PLXDC1: variants seen among roughly 807,000 people sequenced by gnomAD.
PLXDC1 encodes the protein plexin domain-containing protein 1.
A neutral mutation model predicts 61.3 loss-of-function variants in PLXDC1; 39 were observed. The observed-to-expected ratio is 0.64, with a 90% CI of 0.49 to 0.83. PLXDC1 has a LOEUF of 0.83. Ranked by LOEUF, PLXDC1 falls within the 40% of genes least tolerant of loss-of-function variation. The pLI, the probability that PLXDC1 is intolerant of heterozygous loss-of-function variation, is 0.00. For missense variants in PLXDC1, 596 were observed against 666.5 expected (o/e 0.89, Z 1.17); for synonymous variants, 212 against 254.5 (o/e 0.83, Z 1.59).
intron 7 of PLXDC1, among the ~76,000 whole-genome samples, chr17:39,089,257 C>T (rs1009074947): frequency 9.9e-5 from 15 of 152,218 alleles, no homozygotes; most frequent in African/African-American, 1.9e-4. Context: ...TCTCTGGCCA[C>T]GCTGTGATTG....
At chr17:39,097,574 C>T (rs568807361) in intron 7 of PLXDC1, among the ~76,000 whole-genome samples, 51 of 152,202 alleles carry the variant, frequency 3.4e-4, no homozygotes, top group African/African-American at 1.2e-3. Flanking sequence ...GAACATGTTC[C>T]ACTTGCATTT....
At chr17:39,079,481 G>T (rs939366602) in intron 9 of PLXDC1, 5 of 486,146 alleles carry the variant, frequency 1.0e-5, no homozygotes, top group Admixed American at 6.9e-5. Context: ...ACACTGCTGA[G>T]AATCCAGGCA....
At chr17:39,126,123 G>A (rs1392709109) in intron 2 of PLXDC1, among the ~76,000 whole-genome samples, 8 of 152,064 alleles carry the variant, frequency 5.3e-5, no homozygotes, top group East Asian at 1.9e-4. Flanking sequence ...ATGTGGTGGC[G>A]CATGCCTGTA....
chr17:39,100,148 C>T (rs1910370088), intron 7 of PLXDC1, among the ~76,000 whole-genome samples: 1 of 152,168 alleles, frequency 6.6e-6, no homozygotes, highest in African/African-American at 2.4e-5. Flanking sequence ...ATCCTGAATC[C>T]TGCCAAACCA....
chr17:39,126,371 C>A (rs909921904), intron 2 of PLXDC1, among the ~76,000 whole-genome samples: 1 of 152,114 alleles, frequency 6.6e-6, no homozygotes, highest in South Asian at 2.1e-4. Context: ...AGCAAAGCAA[C>A]GTATAATGAA....
chr17:39,072,464 T>C lies in PLXDC1; in HGVS notation c.1208A>G (p.Tyr403Cys), dbSNP rs1909160134. ...TCTGTACTCACCGTCTCCTCCTGCA[T>C]AGGGATTCAACTTGGTGTCATCTTC... ...TTEDDTKLNP[Y>C]AGGDGLQNNL... Residue 403 changes from tyrosine (Y) to cysteine (C), a missense_variant, in exon 12 of 14, where the codon TAT (tyrosine) becomes TGT (cysteine). Coordinates refer to ENST00000315392, the MANE Select transcript of PLXDC1 (RefSeq NM_020405.5). 5.1e-6 allele frequency: 8 copies of C among 1,554,644 alleles called. No individual in the cohort carries two copies. The highest frequency in any genetic ancestry group is 6.1e-6 in the Non-Finnish European group (7 of 1,145,602).
intron 7 of PLXDC1, among the ~76,000 whole-genome samples, chr17:39,093,215 C>A (rs1172580001): frequency 1.3e-5 from 2 of 152,102 alleles, no homozygotes; most frequent in Non-Finnish European, 2.9e-5. Flanking sequence ...CCTCCCCCAC[C>A]AAAGGCTCAT....
chr17:39,087,079 C>A (rs1269654644), intron 8 of PLXDC1, among the ~76,000 whole-genome samples: 1 of 152,158 alleles, frequency 6.6e-6, no homozygotes, highest in Non-Finnish European at 1.5e-5. Context: ...GTGGGCTCCA[C>A]AACAGCAGGT....
chr17:39,069,920 A>G lies in PLXDC1; in HGVS notation c.1319T>C (p.Ile440Thr). The G allele has an allele frequency of 1.9e-6, 3 of 1,613,722 alleles. No individual in the cohort carries two copies. The highest frequency in any genetic ancestry group is 2.5e-6 in the Non-Finnish European group (3 of 1,179,654). ...ATTGATGTAAATTCCAGCCAGGATG[A>G]TGGCCGCCACGAGGAGGACTGCCAG... is the stretch of plus-strand genomic sequence containing the variant. ...IVLAVLLVAA[I>T]ILAGIYINGH... Residue 440 changes from isoleucine (I) to threonine (T), a missense_variant, in exon 13 of 14, where the codon ATC becomes ACC. Transcript: ENST00000315392.
chr17:39,129,199 TC>T (rs1345627844), intron 2 of PLXDC1, among the ~76,000 whole-genome samples: 2 of 151,170 alleles, frequency 1.3e-5, no homozygotes, highest in African/African-American at 4.9e-5. Context: ...ACACCTGTAA[TC>T]CCAGCTACTC....
intron 7 of PLXDC1, among the ~76,000 whole-genome samples, chr17:39,089,947 A>G (rs1377343309): frequency 2.0e-5 from 3 of 151,960 alleles, no homozygotes; most frequent in East Asian, 3.9e-4. Context: ...ACAGGTGCCC[A>G]CCACCACACC....
intron 9 of PLXDC1, chr17:39,079,782 G>C (rs1423233959): frequency 5.8e-6 from 2 of 344,524 alleles, no homozygotes; most frequent in Non-Finnish European, 1.2e-5. Flanking sequence ...CCAACTTTTC[G>C]TTCTTTACTC....
At chr17:39,103,138 C>T (rs910450829) in intron 7 of PLXDC1, among the ~76,000 whole-genome samples, 2 of 151,792 alleles carry the variant, frequency 1.3e-5, no homozygotes, top group Admixed American at 1.3e-4. Context: ...TGGCGTGAAC[C>T]CGGGAGGTGG....
chr17:39,129,261 T>C (rs1257661050), intron 2 of PLXDC1, among the ~76,000 whole-genome samples: 6 of 147,230 alleles, frequency 4.1e-5, no homozygotes, highest in Non-Finnish European at 7.4e-5. Context: ...GAGGTTGCAG[T>C]GAGCCAAGAT....
chr17:39,139,889 G>A, intron 1 of PLXDC1, 57 bp from the exon 2 acceptor site: 5 of 1,509,716 alleles, frequency 3.3e-6, no homozygotes, highest in Non-Finnish European at 4.5e-6. Flanking sequence ...GATCAGGAGG[G>A]GAATCCAGCC....
chr17:39,108,314 C>G (rs1229462605), intron 4 of PLXDC1, 69 bp from the exon 5 acceptor site: 2 of 1,556,802 alleles, frequency 1.3e-6, no homozygotes, highest in African/African-American at 2.7e-5. Flanking sequence ...GGCCTTTTCC[C>G]CAAGGGCAAG....
chr17:39,099,208 T>C (rs1209927609), intron 7 of PLXDC1, among the ~76,000 whole-genome samples: 1 of 151,526 alleles, frequency 6.6e-6, no homozygotes, highest in Admixed American at 6.6e-5. Context: ...TCCCTGCTCT[T>C]TCAGGTGGGT....
chr17:39,072,383 A>G, intron 12 of PLXDC1, 67 bp downstream of exon 12: 4 of 1,094,958 alleles, frequency 3.7e-6, no homozygotes, highest in Non-Finnish European at 5.5e-6. Flanking sequence ...CGACTGCTGC[A>G]CCCTCTTCTG....
At chr17:39,067,986 G>A in intron 13 of PLXDC1, 27 bp from the exon 14 acceptor site, 1 of 1,611,106 alleles carries the variant, frequency 6.2e-7, no homozygotes, top group Non-Finnish European at 8.5e-7. Flanking sequence ...GGCAAAGTCA[G>A]TGGGCATGCC....
Sources: gnomAD v4.1 joint callset for allele counts (sites outside exome capture counted in the v4.1 genomes callset) on GRCh38, gnomAD v4.1.1 for gene constraint, MANE v1.5 for transcripts, NCBI Gene and HGNC (gene_info 2026-07-23, HGNC 2026-07-21) for gene names.